The following BRINP3 variants were observed in gnomAD, a reference collection of about 807,000 sequenced individuals.
The protein encoded by BRINP3 is BMP/retinoic acid inducible neural specific 3, also known as BMP/retinoic acid-inducible neural-specific protein 3.
Under a neutral mutation model 71.0 loss-of-function variants are expected in BRINP3, and 19 were observed. The observed-to-expected ratio is 0.27, with a 90% confidence interval of 0.19 to 0.39. The LOEUF (loss-of-function observed/expected upper bound fraction) is 0.39. BRINP3 is among the 10% of genes least tolerant of loss of function. The pLI, the probability that BRINP3 is intolerant of heterozygous loss-of-function variation, is 1.00. For synonymous variants in BRINP3, 380 were observed against 337.7 expected (o/e 1.13, Z -1.37); for missense variants, 959 against 940.8 (o/e 1.02, Z -0.25).
chr1:190,469,370 T>C (rs1442743713), intron 1 of BRINP3, among the ~76,000 whole-genome samples: 1 of 151,066 alleles, frequency 6.6e-6, no homozygotes, highest in Non-Finnish European at 1.5e-5. Context: ...TATAGTCATT[T>C]AATTTTAATA....
At chr1:190,404,067 C>A (rs1672109786) in intron 2 of BRINP3, among the ~76,000 whole-genome samples, 1 of 152,116 alleles carries the variant, frequency 6.6e-6, no homozygotes, top group Non-Finnish European at 1.5e-5. Context: ...TTACAGATGA[C>A]CAAACCTGAG....
At chr1:190,246,853 T>C (rs940979179) in intron 4 of BRINP3, among the ~76,000 whole-genome samples, 2 of 151,974 alleles carry the variant, frequency 1.3e-5, no homozygotes, top group South Asian at 2.1e-4. Flanking sequence ...ACAAATCTAT[T>C]ATCAGTGAAG....
At chr1:190,405,569 G>C (rs1459067446) in intron 2 of BRINP3, among the ~76,000 whole-genome samples, 1 of 144,072 alleles carries the variant, frequency 6.9e-6, no homozygotes, top group Admixed American at 7.2e-5. Context: ...GATGCTGCAA[G>C]ATCACAGAGA....
intron 2 of BRINP3, among the ~76,000 whole-genome samples, chr1:190,437,041 C>T (rs1674510687): frequency 6.6e-6 from 1 of 151,676 alleles, no homozygotes; most frequent in African/African-American, 2.4e-5. Context: ...GAGTATTGCT[C>T]AAAGCAATCT....
At chr1:190,209,964 C>T (rs1347333710) in intron 6 of BRINP3, among the ~76,000 whole-genome samples, 3 of 152,042 alleles carry the variant, frequency 2.0e-5, no homozygotes, top group Non-Finnish European at 4.4e-5. Context: ...ACTTTAACTA[C>T]TTGTTAGTTT....
intron 2 of BRINP3, among the ~76,000 whole-genome samples, chr1:190,293,783 C>G (rs1315148612): frequency 6.6e-6 from 1 of 152,106 alleles, no homozygotes; most frequent in Non-Finnish European, 1.5e-5. Context: ...ACTTCGCTCA[C>G]GCTTTTTACA....
At chr1:190,275,572 G>A (rs1662485122) in intron 3 of BRINP3, among the ~76,000 whole-genome samples, 1 of 151,426 alleles carries the variant, frequency 6.6e-6, no homozygotes, top group East Asian at 1.9e-4. Context: ...CTTTATCATT[G>A]ACCTGAATGT....
In BRINP3 at chr1:190,160,864, G is replaced by C. The variant is rs749547925; in HGVS notation, c.988C>G (p.Leu330Val). 1.2e-6 allele frequency: 2 copies of C among 1,604,422 alleles called. No individual in the cohort carries two copies. Among genetic ancestry groups the C allele is most frequent in the Non-Finnish European group, 1.7e-6 (2 of 1,176,228 alleles). The change falls in exon 7 of 8, where the codon CTA (leucine) becomes GTA (valine). Residue 330 changes from leucine to valine, a missense_variant. Physicochemically the swap from Leu to Val is conservative, Grantham distance 32. Transcript: ENST00000367462. The stretch of plus-strand genomic sequence containing the variant: ...GTGTTGAGGAAATAATTCATAGGTA[G>C]CCTTTTCATAAATAACTTGAATTCA... ...SDEFKLFMKR[L>V]PMNYFLNTST... is the part of the protein sequence containing the mutation.
chr1:190,302,230 T>G (rs1397912817), intron 2 of BRINP3, among the ~76,000 whole-genome samples: 1 of 148,002 alleles, frequency 6.8e-6, no homozygotes, highest in East Asian at 1.9e-4. Context: ...GGACAAGAAG[T>G]GTATATATAT....
intron 2 of BRINP3, among the ~76,000 whole-genome samples, chr1:190,397,253 A>C: frequency 6.6e-6 from 1 of 152,006 alleles, no homozygotes; most frequent in South Asian, 2.1e-4. Context: ...CAAGAAAAAT[A>C]CCAGTTTCAT....
chr1:190,411,174 A>G (rs1480385818), intron 2 of BRINP3, among the ~76,000 whole-genome samples: 1 of 152,234 alleles, frequency 6.6e-6, no homozygotes, highest in Non-Finnish European at 1.5e-5. Context: ...TTTCTATATG[A>G]CAGAGGTGGT....
chr1:190,141,842 G>C (rs1655479345), intron 7 of BRINP3, among the ~76,000 whole-genome samples: 1 of 151,710 alleles, frequency 6.6e-6, no homozygotes, highest in Non-Finnish European at 1.5e-5. Flanking sequence ...ACAGGTGTGA[G>C]CCACCACGCC....
intron 2 of BRINP3, among the ~76,000 whole-genome samples, chr1:190,419,863 G>GAA (rs138408671): frequency 6.8e-6 from 1 of 148,100 alleles, no homozygotes; most frequent in Non-Finnish European, 1.5e-5. Context: ...TCCCTGATTA[G>GAA]AAAAAAAAAA....
intron 5 of BRINP3, 41 bp downstream of exon 5, chr1:190,234,331 A>T: frequency 6.9e-7 from 1 of 1,458,134 alleles, no homozygotes; most frequent in Non-Finnish European, 9.5e-7. Flanking sequence ...GATAATTGCT[A>T]TTCAGGCTTG....
intron 2 of BRINP3, among the ~76,000 whole-genome samples, chr1:190,376,137 A>G (rs1670167986): frequency 6.6e-6 from 1 of 151,940 alleles, no homozygotes; most frequent in South Asian, 2.1e-4. Flanking sequence ...AGGGTTTAGT[A>G]GGCATAATTT....
At chr1:190,419,233 A>T (rs935614486) in intron 2 of BRINP3, among the ~76,000 whole-genome samples, 1 of 152,074 alleles carries the variant, frequency 6.6e-6, no homozygotes, top group African/African-American at 2.4e-5. Context: ...AAATTAATCT[A>T]AAAACTGAAG....
chr1:190,293,465 T>G (rs1026214822), intron 2 of BRINP3, among the ~76,000 whole-genome samples: 1 of 152,030 alleles, frequency 6.6e-6, no homozygotes, highest in African/African-American at 2.4e-5. Context: ...AGATATTCCA[T>G]GTGTTGATGA....
At chr1:190,444,698 G>A (rs914138463) in intron 2 of BRINP3, among the ~76,000 whole-genome samples, 1 of 151,930 alleles carries the variant, frequency 6.6e-6, no homozygotes, top group African/African-American at 2.4e-5. Context: ...AGTATGCTCA[G>A]CTGATTTATC....
intron 1 of BRINP3, among the ~76,000 whole-genome samples, 192 bp from the exon 2 acceptor site, chr1:190,455,132 T>C (rs1348013068): frequency 1.3e-5 from 2 of 152,196 alleles, no homozygotes; most frequent in African/African-American, 2.4e-5. Flanking sequence ...TCCTTTTTTA[T>C]ATTAATGGAA....
Sources: gnomAD v4.1 joint callset for allele counts (sites outside exome capture counted in the v4.1 genomes callset) on GRCh38, gnomAD v4.1.1 for gene constraint, MANE v1.5 for transcripts, NCBI Gene and HGNC (gene_info 2026-07-23, HGNC 2026-07-21) for gene names.